The following OR5P2 variants were observed in gnomAD, a reference collection of about 807,000 sequenced individuals.
The protein encoded by OR5P2 is olfactory receptor family 5 subfamily P member 2.
For missense variants in OR5P2, 455 were observed against 382.3 expected, an observed-to-expected ratio of 1.19 and a Z score of -1.59; for synonymous variants, 165 against 145.6, an observed-to-expected ratio of 1.13 and a Z score of -0.96.
chr11:7,796,172 C>T lies in OR5P2; in HGVS notation c.771G>A (p.Met257Ile). 2 of 1,605,014 alleles carry T rather than the reference C, an allele frequency of 1.2e-6. No individual in the cohort carries two copies. Among genetic ancestry groups the T allele is most frequent in the Non-Finnish European group, 1.7e-6 (2 of 1,178,682 alleles). Reference protein sequence around the residue: ...FYGTITFIYVMPNFSYSTDQN... With the variant: ...FYGTITFIYVIPNFSYSTDQN... ...GGTCAGTTGAGTAGCTAAAATTGGG[C>T]ATCACATAAATGAAGGTAATGGTCC... is the stretch of plus-strand genomic sequence containing the variant. The change falls in exon 1 of 1, where the codon ATG (methionine) becomes ATA (isoleucine). Residue 257 changes from methionine (M) to isoleucine (I), a missense_variant. Met to Ile is a conservative substitution (Grantham distance 10, BLOSUM62 1). Transcript: ENST00000329434.
In OR5P2 at chr11:7,796,097, G is replaced by C; in HGVS notation, c.846C>G (p.Asn282Lys). Reference protein sequence around the residue: ...VLYTVVIPMLNPLIYSLRNKE... With the variant: ...VLYTVVIPMLKPLIYSLRNKE... ...TGTTCCTGAGGCTGTAGATCAGGGG[G>C]TTCAACATGGGAATCACCACTGTGT... is the stretch of plus-strand genomic sequence containing the variant. The change falls in exon 1 of 1, where the codon AAC (asparagine) becomes AAG (lysine). Residue 282 changes from asparagine to lysine, a missense_variant. Coordinates refer to ENST00000329434, the MANE Select transcript of OR5P2 (RefSeq NM_153444.1). 1 of 1,605,432 alleles carries C rather than the reference G, an allele frequency of 6.2e-7. No homozygotes were observed. Among genetic ancestry groups the C allele is most frequent in the South Asian group, 1.1e-5 (1 of 90,376 alleles).
At position 7,796,241 on chromosome 11, in the gene OR5P2, G is replaced by T; in HGVS notation, c.702C>A (p.Phe234Leu). 1 of 1,605,184 alleles carries T rather than the reference G, an allele frequency of 6.2e-7. No homozygotes were observed. Among genetic ancestry groups the T allele is most frequent in the Non-Finnish European group, 8.5e-7 (1 of 1,178,772 alleles). ...CAGTGAGGTGGGAAGTGCAGGTGGA[G>T]AAGGCCTTGTGGTGCCCCTCAGTGG... ...MRSTEGHHKA[F>L]STCTSHLTVV... Residue 234 changes from phenylalanine to leucine, a missense_variant, in exon 1 of 1, where the codon TTC becomes TTA. Phe to Leu is a conservative substitution (Grantham distance 22). Coordinates refer to ENST00000329434, the MANE Select transcript of OR5P2 (RefSeq NM_153444.1).
rs758798582 is a variant in OR5P2 at position 7,796,860 on chromosome 11, A to G, written c.83T>C (p.Val28Ala). ...AGATAGGATGATCATGAAGAGGATG[A>G]CTCGAAGGATTGGATCATCTGTTAA... is the stretch of plus-strand genomic sequence containing the variant. ...LGLTDDPILR[V>A]ILFMIILSGN... The change falls in exon 1 of 1, where the codon GTC (valine) becomes GCC (alanine). Residue 28 changes from valine (V) to alanine (A), a missense_variant. Physicochemically the swap from Val to Ala is moderately conservative, Grantham distance 64. Transcript: ENST00000329434. 2 of 1,597,610 alleles carry G rather than the reference A, an allele frequency of 1.3e-6. 1 individual carries two copies. The highest frequency in any genetic ancestry group is 2.2e-5 in the South Asian group (2 of 90,078).
Position 7,796,386 on chromosome 11 carries a change from G to A in OR5P2, c.557C>T (p.Ser186Phe). The A allele has an allele frequency of 1.2e-6, 2 of 1,604,716 alleles. No individual in the cohort carries two copies. Among genetic ancestry groups the A allele is most frequent in the Non-Finnish European group, 1.7e-6 (2 of 1,178,248 alleles). Residue 186 changes from serine (S) to phenylalanine (F), a missense_variant, in exon 1 of 1, where the codon TCT becomes TTT. Coordinates refer to ENST00000329434, the MANE Select transcript of OR5P2 (RefSeq NM_153444.1). ...DFAPLLELSC[S>F]DISVSTVVLS... ...AACAACTGTGGAGACACTGATATCA[G>A]AACAGGAGAGTTCAAGTAAGGGAGC...
rs372220227 is a variant in OR5P2, at chr11:7,796,269, C to G, written c.674G>C (p.Arg225Pro). ...GGCCTTGTGGTGCCCCTCAGTGGAG[C>G]GCATCTTCAGGATGGTGATGAGGAT... ...IYILITILKM[R>P]STEGHHKAFS... The change falls in exon 1 of 1, where the codon CGC (arginine) becomes CCC (proline). Residue 225 changes from arginine to proline, a missense_variant. Physicochemically the swap from Arg to Pro is moderately radical, Grantham distance 103 (BLOSUM62 -2). Transcript: ENST00000329434. 2 of 1,604,814 alleles carry G rather than the reference C, an allele frequency of 1.2e-6. No homozygotes were observed. The highest frequency in any genetic ancestry group is 1.7e-6 in the Non-Finnish European group (2 of 1,178,554).
At position 7,796,637 on chromosome 11, in the gene OR5P2, G is replaced by C. The variant is rs763570717; in HGVS notation, c.306C>G (p.Phe102Leu). Residue 102 changes from phenylalanine (F) to leucine (L), a missense_variant, in exon 1 of 1, where the codon TTC (phenylalanine) becomes TTG (leucine). Phe to Leu is a conservative substitution (Grantham distance 22, BLOSUM62 0). Coordinates refer to ENST00000329434, the MANE Select transcript of OR5P2 (RefSeq NM_153444.1). The part of the protein sequence containing the change: ...GCAIQLGSAA[F>L]FATVECVLLA... ...GAAGGACGCATTCGACTGTTGCAAA[G>C]AAAGCCGCTGAACCAAGCTGGATGG... 1 of 1,605,216 alleles carries C rather than the reference G, an allele frequency of 6.2e-7. No individual in the cohort carries two copies. The highest frequency in any genetic ancestry group is 2.3e-5 in the East Asian group (1 of 44,360).
rs145865910 is a variant in OR5P2, at chr11:7,796,023, G to T, written c.920C>A (p.Ser307Tyr). 6.3e-7 allele frequency: 1 copy of T among 1,597,762 alleles called. No individual in the cohort carries two copies. Residue 307 changes from serine to tyrosine, a missense_variant, in exon 1 of 1, where the codon TCT becomes TAT. By Grantham distance (144) the Ser-to-Tyr change is moderately radical. Coordinates refer to ENST00000329434, the MANE Select transcript of OR5P2 (RefSeq NM_153444.1). ...LKRELVRKIL[S>Y]HDACYFSRTS... The stretch of plus-strand genomic sequence containing the variant: ...TCTACTAAAATAACAAGCATCATGA[G>T]AAAGTATTTTTCTAACAAGCTCTCT...
chr11:7,796,523 T>G lies in OR5P2; in HGVS notation c.420A>C (p.Leu140=), dbSNP rs916259330. Residue 140 remains leucine, a synonymous_variant, in exon 1 of 1, where the codon CTA becomes CTC. Transcript: ENST00000329434. ...AACCAGCTATGTAAACTACTAAGAG[T>G]AGCTGGACACTGACTTGTGTGGACA... ...TKMSTQVSVQ[L]LLVVYIAGFL... 2 of 1,604,746 alleles carry G rather than the reference T, an allele frequency of 1.2e-6. No homozygotes were observed. The highest frequency in any genetic ancestry group is 1.7e-5 in the Admixed American group (1 of 59,772).
At position 7,796,360 on chromosome 11, in the gene OR5P2, GAAC is replaced by G. The variant is rs760455172; in HGVS notation, c.580_582del (p.Val194del). On this transcript the variant is annotated inframe_deletion, in exon 1 of 1. Transcript: ENST00000329434. ...ATGATGGATCCAGAAGAAAATGAGA[GAAC>G]AACTGTGGAGACACTGATATCAGAA... The G allele has an allele frequency of 1.4e-5, 23 of 1,604,958 alleles. 1 individual carries two copies. The African/African-American group carries it at 1.4e-4, about 10-fold the overall frequency.
In OR5P2 at chr11:7,796,027, G is replaced by T. The variant is rs747803742; in HGVS notation, c.916C>A (p.Leu306Ile). The T allele has an allele frequency of 6.3e-7, 1 of 1,598,846 alleles. No homozygotes were observed. The highest frequency in any genetic ancestry group is 8.5e-7 in the Non-Finnish European group (1 of 1,173,678). Reference sequence around the variant, plus strand: ...CTAAAATAACAAGCATCATGAGAAAGTATTTTTCTAACAAGCTCTCTCTTC... The same window carrying T: ...CTAAAATAACAAGCATCATGAGAAATTATTTTTCTAACAAGCTCTCTCTTC... The part of the protein sequence containing the change: ...ALKRELVRKI[L>I]SHDACYFSRT... Residue 306 changes from leucine (L) to isoleucine (I), a missense_variant, in exon 1 of 1, where the codon CTT becomes ATT. Transcript: ENST00000329434.
In OR5P2 at chr11:7,796,448, A is replaced by C. The variant is rs747884202; in HGVS notation, c.495T>G (p.Cys165Trp). ...AAAAATGATTGACTTGATTTGGTCC[A>C]CAGAAGAGTAAAAAATAGAAGGAAG... The part of the protein sequence containing the change: ...YTTSFYFLLF[C>W]GPNQVNHFFC... Residue 165 changes from cysteine (C) to tryptophan (W), a missense_variant, in exon 1 of 1, where the codon TGT becomes TGG. Physicochemically the swap from Cys to Trp is radical, Grantham distance 215. Coordinates refer to ENST00000329434, the MANE Select transcript of OR5P2 (RefSeq NM_153444.1). The C allele has an allele frequency of 6.2e-7, 1 of 1,605,270 alleles. No individual in the cohort carries two copies.
Position 7,796,719 on chromosome 11 carries a change from G to A in OR5P2, c.224C>T (p.Pro75Leu). The change falls in exon 1 of 1, where the codon CCC becomes CTC. Residue 75 changes from proline (P) to leucine (L), a missense_variant. Coordinates refer to ENST00000329434, the MANE Select transcript of OR5P2 (RefSeq NM_153444.1). ...CACCAGGAAGTTTACAAGCATGTTG[G>A]GTGTGACAGAAGATGAATAGGCCAT... The part of the protein sequence containing the change: ...ADMAYSSSVT[P>L]NMLVNFLVER... The A allele has an allele frequency of 6.2e-7, 1 of 1,605,420 alleles. No homozygotes were observed.
Position 7,796,059 on chromosome 11 carries a change from C to A in OR5P2, c.884G>T (p.Gly295Val), listed in dbSNP as rs759603356. The A allele has an allele frequency of 6.2e-7, 1 of 1,604,830 alleles. No individual in the cohort carries two copies. The highest frequency in any genetic ancestry group is 8.5e-7 in the Non-Finnish European group (1 of 1,178,502). The change falls in exon 1 of 1, where the codon GGG becomes GTG. Residue 295 changes from glycine to valine, a missense_variant. Transcript: ENST00000329434. Reference protein sequence around the residue: ...IYSLRNKEIKGALKRELVRKI... With the variant: ...IYSLRNKEIKVALKRELVRKI... ...TCTAACAAGCTCTCTCTTCAGAGCCCCCTTAATCTCCTTGTTCCTGAGGCT... is the reference window on the plus strand; with the variant it reads ...TCTAACAAGCTCTCTCTTCAGAGCCACCTTAATCTCCTTGTTCCTGAGGCT...
At position 7,796,744 on chromosome 11, in the gene OR5P2, T is replaced by C. The variant is rs767812173; in HGVS notation, c.199A>G (p.Met67Val). Residue 67 changes from methionine to valine, a missense_variant, in exon 1 of 1, where the codon ATG (methionine) becomes GTG (valine). By Grantham distance (21) the Met-to-Val change is conservative. Coordinates refer to ENST00000329434, the MANE Select transcript of OR5P2 (RefSeq NM_153444.1). The stretch of plus-strand genomic sequence containing the variant: ...GGTGTGACAGAAGATGAATAGGCCA[T>C]GTCAGCAAAAGCCAAGTGGCTCAGA... Reference protein sequence around the residue: ...FFLSHLAFADMAYSSSVTPNM... With the variant: ...FFLSHLAFADVAYSSSVTPNM... 10 of 1,604,812 alleles carry C rather than the reference T, an allele frequency of 6.2e-6. No homozygotes were observed. The South Asian group carries it at 1.1e-4, about 18-fold the overall frequency.
chr11:7,796,443 G>A lies in OR5P2; in HGVS notation c.500C>T (p.Pro167Leu). The change falls in exon 1 of 1, where the codon CCA becomes CTA. Residue 167 changes from proline (P) to leucine (L), a missense_variant. Physicochemically the swap from Pro to Leu is moderately conservative, Grantham distance 98 (BLOSUM62 -3). Transcript: ENST00000329434. ...TSFYFLLFCG[P>L]NQVNHFFCDF... ...ACAGAAAAAATGATTGACTTGATTT[G>A]GTCCACAGAAGAGTAAAAAATAGAA... The A allele has an allele frequency of 1.9e-6, 3 of 1,604,812 alleles. No individual in the cohort carries two copies. The highest frequency in any genetic ancestry group is 2.5e-6 in the Non-Finnish European group (3 of 1,178,482).
Position 7,796,124 on chromosome 11 carries a change from C to T in OR5P2, c.819G>A (p.Leu273=). The change falls in exon 1 of 1, where the codon TTG becomes TTA. Residue 273 remains leucine (L), a synonymous_variant. Coordinates refer to ENST00000329434, the MANE Select transcript of OR5P2 (RefSeq NM_153444.1). ...STDQNKVVSV[L]YTVVIPMLNP... ...TCAACATGGGAATCACCACTGTGTA[C>T]AACACAGACACCACCTTGTTCTGGT... 6.2e-7 allele frequency: 1 copy of T among 1,605,356 alleles called. No individual in the cohort carries two copies. The highest frequency in any genetic ancestry group is 1.4e-5 in the African/African-American group (1 of 69,432).
chr11:7,795,988 T>G lies in OR5P2; in HGVS notation c.955A>C (p.Asn319His). Residue 319 changes from asparagine to histidine, a missense_variant, in exon 1 of 1, where the codon AAT becomes CAT. Transcript: ENST00000329434. Reference sequence around the variant, plus strand: ...GAGATAGGGTTCTATGTAATATCATTATTTGAAGTTCTACTAAAATAACAA... The same window carrying G: ...GAGATAGGGTTCTATGTAATATCATGATTTGAAGTTCTACTAAAATAACAA... ...DACYFSRTSN[N>H]DIT 6.4e-7 allele frequency: 1 copy of G among 1,572,992 alleles called. No individual in the cohort carries two copies. Among genetic ancestry groups the G allele is most frequent in the Non-Finnish European group, 8.7e-7 (1 of 1,153,052 alleles).
Position 7,796,215 on chromosome 11 carries a change from A to G in OR5P2, c.728T>C (p.Val243Ala), listed in dbSNP as rs1433150534. The change falls in exon 1 of 1, where the codon GTG (valine) becomes GCG (alanine). Residue 243 changes from valine (V) to alanine (A), a missense_variant. Transcript: ENST00000329434. ...AATGGTCCCATAGAACAGGGTAACCACAGTGAGGTGGGAAGTGCAGGTGGA... is the reference window on the plus strand; with the variant it reads ...AATGGTCCCATAGAACAGGGTAACCGCAGTGAGGTGGGAAGTGCAGGTGGA... ...AFSTCTSHLT[V>A]VTLFYGTITF... is the part of the protein sequence containing the mutation. The G allele has an allele frequency of 1.9e-6, 3 of 1,605,090 alleles. No homozygotes were observed. Among genetic ancestry groups the G allele is most frequent in the East Asian group, 2.3e-5 (1 of 44,326 alleles).
Position 7,796,589 on chromosome 11 carries a change from G to T in OR5P2, c.354C>A (p.Arg118=), listed in dbSNP as rs372661104. The stretch of plus-strand genomic sequence containing the variant: ...GCAGTGGACTGCAAATTGCCACAAA[G>T]CGGTCATAGGCCATGGCAGCCAGAA... ...CVLLAAMAYD[R]FVAICSPLLY... Residue 118 remains arginine (R), a synonymous_variant, in exon 1 of 1, where the codon CGC becomes CGA. Coordinates refer to ENST00000329434, the MANE Select transcript of OR5P2 (RefSeq NM_153444.1). 1.2e-6 allele frequency: 2 copies of T among 1,605,480 alleles called. No homozygotes were observed. Among genetic ancestry groups the T allele is most frequent in the African/African-American group, 1.4e-5 (1 of 69,412 alleles).
Sources: allele counts gnomAD v4.1 joint callset, GRCh38; gene constraint gnomAD v4.1.1; transcripts MANE v1.5; gene names NCBI Gene and HGNC (gene_info 2026-07-23, HGNC 2026-07-21).